Variants in TECPR2 observed in about 807,000 individuals in gnomAD.
TECPR2 encodes the protein tectonin beta-propeller repeat-containing protein 2.
In TECPR2, 65 loss-of-function variants were observed where a neutral mutation model predicts 138.1. The ratio of observed to expected loss-of-function variants is 0.47; its 90% CI spans 0.39 to 0.58. The LOEUF (loss-of-function observed/expected upper bound fraction) is 0.58, where lower values mean the gene tolerates loss of function less well. Ranked by LOEUF, TECPR2 falls within the 20% of genes least tolerant of loss-of-function variation. The probability of loss-of-function intolerance (pLI) is 0.00; values close to 1 mark genes in which losing one functional copy is unlikely to be tolerated. For missense variants in TECPR2, 1,553 were observed against 1,824.5 expected, an observed-to-expected ratio of 0.85 and a Z score of 2.71; for synonymous variants, 746 against 749.8, an observed-to-expected ratio of 0.99 and a Z score of 0.08.
chr14:102,367,428 A>T (rs1158001340), intron 1 of TECPR2, among the ~76,000 whole-genome samples: 1 of 152,186 alleles, frequency 6.6e-6, no homozygotes, highest in Non-Finnish European at 1.5e-5. Flanking sequence ...TTCTTCTCCC[A>T]GCCCTGGGCA....
intron 5 of TECPR2, among the ~76,000 whole-genome samples, chr14:102,422,719 A>C (rs564174007): frequency 3.9e-5 from 6 of 152,336 alleles, no homozygotes; most frequent in African/African-American, 1.4e-4. Context: ...CTGGGGCACA[A>C]GGGGGCAGGA....
At chr14:102,408,341 C>A in intron 3 of TECPR2, 147 bp from the exon 4 acceptor site, 1 of 832,946 alleles carries the variant, frequency 1.2e-6, no homozygotes, top group Non-Finnish European at 1.8e-6. Flanking sequence ...ACAGATGGAA[C>A]TTTGTGCAGG....
At chr14:102,422,418 G>A (rs930043931) in intron 5 of TECPR2, among the ~76,000 whole-genome samples, 5 of 152,142 alleles carry the variant, frequency 3.3e-5, no homozygotes, top group Admixed American at 2.0e-4. Context: ...ATGTCATTTC[G>A]CTTACAGTTG....
At chr14:102,400,870 A>T (rs549448525) in intron 2 of TECPR2, among the ~76,000 whole-genome samples, 213 of 151,642 alleles carry the variant, frequency 1.4e-3, no homozygotes, top group African/African-American at 5.0e-3. Context: ...CGTCTCTACT[A>T]AAAAAACAGA....
In TECPR2 at chr14:102,498,609, G is replaced by T. The variant is rs1891357660; in HGVS notation, c.*352G>T. 2.4e-6 allele frequency: 1 copy of T among 418,840 alleles called. No homozygotes were observed. The highest frequency in any genetic ancestry group is 3.6e-5 in the Admixed American group (1 of 28,088). 25.9% of individuals were successfully genotyped at this position (418,840 alleles called of 1,614,324 possible). On this transcript the variant is annotated 3_prime_UTR_variant, in exon 20 of 20. Coordinates refer to ENST00000359520, the MANE Select transcript of TECPR2 (RefSeq NM_014844.5). Reference sequence around the variant, plus strand: ...TCTCCGGAGGCCTCCCAGAACCAAGGGTAGCCGGGCAGCTGGTTTGGCCCA... The same window carrying T: ...TCTCCGGAGGCCTCCCAGAACCAAGTGTAGCCGGGCAGCTGGTTTGGCCCA...
intron 1 of TECPR2, among the ~76,000 whole-genome samples, chr14:102,372,913 CA>C (rs796185298): frequency 7.7e-5 from 11 of 143,256 alleles, no homozygotes; most frequent in South Asian, 4.4e-4. Flanking sequence ...GAGCAAGTCT[CA>C]AAAAAAAAAG....
intron 17 of TECPR2, among the ~76,000 whole-genome samples, chr14:102,494,109 A>G (rs545018861): frequency 2.0e-5 from 3 of 152,152 alleles, no homozygotes; most frequent in Admixed American, 2.0e-4. Flanking sequence ...AGCCCCATCC[A>G]GCCCACTCAC....
intron 9 of TECPR2, among the ~76,000 whole-genome samples, chr14:102,435,646 C>T (rs1376447578): frequency 2.6e-5 from 4 of 152,160 alleles, no homozygotes; most frequent in Non-Finnish European, 5.9e-5. Context: ...TCACACCCCT[C>T]CAAGGAACCA....
At chr14:102,422,792 ATGGGTT>A (rs1889219739) in intron 5 of TECPR2, among the ~76,000 whole-genome samples, 2 of 152,166 alleles carry the variant, frequency 1.3e-5, no homozygotes, top group Admixed American at 6.5e-5. Flanking sequence ...AAGTTTGGGG[ATGGGTT>A]CCCAGGTGTA....
At chr14:102,465,572 T>A (rs745321372) in intron 17 of TECPR2, 2 of 1,116,098 alleles carry the variant, frequency 1.8e-6, no homozygotes, top group South Asian at 3.8e-5. Context: ...AAGTGAATAT[T>A]ATTTTTTAAA....
intron 6 of TECPR2, among the ~76,000 whole-genome samples, chr14:102,426,937 T>C (rs1889338010): frequency 6.6e-6 from 1 of 152,198 alleles, no homozygotes; most frequent in African/African-American, 2.4e-5. Context: ...ATTGAAGTTT[T>C]ATGAATTATT....
In TECPR2 at chr14:102,496,964, C is replaced by G. The variant is rs954106944; in HGVS notation, c.3790-15C>G. 1 of 1,612,520 alleles carries G rather than the reference C, an allele frequency of 6.2e-7. No individual in the cohort carries two copies. Among genetic ancestry groups the G allele is most frequent in the Non-Finnish European group, 8.5e-7 (1 of 1,179,212 alleles). On this transcript the variant is annotated splice_polypyrimidine_tract_variant and intron_variant, in intron 17 of 19. Transcript: ENST00000359520. The stretch of plus-strand genomic sequence containing the variant: ...CCAACTCCTGCCTTCCCTGAAAGTC[C>G]CTTCCCGCTTCCAGCCCGCCGGGGT...
chr14:102,409,727 G>A (rs1292347559), intron 4 of TECPR2, among the ~76,000 whole-genome samples: 2 of 152,164 alleles, frequency 1.3e-5, no homozygotes, highest in African/African-American at 4.8e-5. Context: ...CTTAGAAAGA[G>A]GACCCCAAAG....
At position 102,499,351 on chromosome 14, in the gene TECPR2, A is replaced by G. The variant is rs1891384132; in HGVS notation, c.*1094A>G. 2 of 601,824 alleles carry G rather than the reference A, an allele frequency of 3.3e-6. No homozygotes were observed. Among genetic ancestry groups the G allele is most frequent in the Non-Finnish European group, 5.9e-6 (2 of 336,152 alleles). The allele number at this position is 601,824 out of a possible 1,614,324, so 37.3% of individuals were successfully genotyped here. ...GTTGTATTACAAATCTGCATAAAAT[A>G]CCTCATTTCAAATCAAATCTTACAA... On this transcript the variant is annotated 3_prime_UTR_variant, in exon 20 of 20. Coordinates refer to ENST00000359520, the MANE Select transcript of TECPR2 (RefSeq NM_014844.5).
At position 102,374,071 on chromosome 14, in the gene TECPR2, CAAAAAAAAAAA is replaced by C. The variant is rs953998203; in HGVS notation, c.-72-2571_-72-2561del. Among the ~76,000 whole-genome samples, 5 of 56,086 alleles carry C rather than the reference CAAAAAAAAAAA, an allele frequency of 8.9e-5. No individual in the cohort carries two copies. In the East Asian group the frequency reaches 1.5e-3, roughly 17 times the overall value. The allele number at this position is 56,086 out of a possible 152,430, so 36.8% of individuals were successfully genotyped here. On this transcript the variant is annotated intron_variant, in intron 1 of 19. Coordinates refer to ENST00000359520, the MANE Select transcript of TECPR2 (RefSeq NM_014844.5). ...TGGGGGACAGAGCGAGATTCTGTCTCAAAAAAAAAAAAAAAAAAGAAAAGAAATAGAATCTA... is the reference window on the plus strand; with the variant it reads ...TGGGGGACAGAGCGAGATTCTGTCTCAAAAAAAGAAAAGAAATAGAATCTA...
intron 8 of TECPR2, among the ~76,000 whole-genome samples, chr14:102,433,749 T>C (rs960096833): frequency 6.6e-6 from 1 of 152,080 alleles, no homozygotes; most frequent in Non-Finnish European, 1.5e-5. Context: ...CTTGAACTCC[T>C]GACCTAAGGT....
chr14:102,394,568 A>T (rs1006527081), intron 2 of TECPR2, among the ~76,000 whole-genome samples: 1 of 152,174 alleles, frequency 6.6e-6, no homozygotes, highest in Non-Finnish European at 1.5e-5. Flanking sequence ...GGGCCACTGC[A>T]CTCAGCCTGG....
intron 17 of TECPR2, among the ~76,000 whole-genome samples, chr14:102,494,250 A>G (rs1412919252): frequency 6.6e-6 from 1 of 152,216 alleles, no homozygotes; most frequent in Non-Finnish European, 1.5e-5. Flanking sequence ...CTCTTAAAAT[A>G]GCTCACTCGT....
rs140411596 is a variant in TECPR2 at position 102,386,954 on chromosome 14, T to G, written c.219+10014T>G. ...CTGATTGCCTAACCATTGTGCTTAC[T>G]TCTTGTGAGAGGAGGTAGGCCCTCT... is the stretch of plus-strand genomic sequence containing the variant. On this transcript the variant is annotated intron_variant, in intron 2 of 19. Coordinates refer to ENST00000359520, the MANE Select transcript of TECPR2 (RefSeq NM_014844.5). 8.7e-4 allele frequency among the ~76,000 whole-genome samples: 133 copies of G among 152,328 alleles called. 2 individuals are homozygous for G. In the East Asian group the frequency reaches 0.02, roughly 23 times the overall value.
Sources: gnomAD v4.1 joint callset for allele counts (sites outside exome capture counted in the v4.1 genomes callset) on GRCh38, gnomAD v4.1.1 for gene constraint, MANE v1.5 for transcripts, NCBI Gene and HGNC (gene_info 2026-07-23, HGNC 2026-07-21) for gene names.